UMAD1: variants seen among roughly 807,000 people sequenced by gnomAD.
UMAD1 encodes the protein UBAP1-MVB12-associated (UMA) domain containing 1.
A neutral mutation model predicts 6.1 loss-of-function variants in UMAD1; 8 were observed. The observed-to-expected ratio is 1.30, with a 90% CI of 0.76 to 2.35. The LOEUF is 2.35. Ranked by LOEUF, UMAD1 falls within the 30% of genes most tolerant of loss-of-function variation. UMAD1 has a pLI of 0.00. For synonymous variants in UMAD1, 56 were observed against 31.4 expected, an observed-to-expected ratio of 1.78 and a Z score of -2.61; for missense variants, 130 against 78.4, an observed-to-expected ratio of 1.66 and a Z score of -2.49.
At chr7:7,800,302 GAAC>G (rs1222497372) in intron 2 of UMAD1, among the ~76,000 whole-genome samples, 9 of 152,232 alleles carry the variant, frequency 5.9e-5, no homozygotes, top group African/African-American at 2.2e-4. Flanking sequence ...ACAAAACAGA[GAAC>G]AAAGTAATAG....
rs1248141927 is a variant in UMAD1 at position 7,847,099 on chromosome 7, AAAAAAATATATATATATATATATATATAT to A, written c.157-30180_157-30152del. Among the ~76,000 whole-genome samples, 95 of 44,548 alleles carry A rather than the reference AAAAAAATATATATATATATATATATATAT, an allele frequency of 2.1e-3. 9 individuals are homozygous for A. Among genetic ancestry groups the A allele is most frequent in the Non-Finnish European group, 2.8e-3 (75 of 27,184 alleles). The allele number at this position is 44,548 out of a possible 152,430, so 29.2% of individuals were successfully genotyped here. ...AAAGACAGCAATGCAAAAAAAAAAA[AAAAAAATATATATATATATATATATATAT>A]ATATATATATATATATATATATATA... On this transcript the variant is annotated intron_variant, in intron 3 of 3. Coordinates refer to ENST00000682710, the MANE Select transcript of UMAD1 (RefSeq NM_001302348.2).
intron 2 of UMAD1, among the ~76,000 whole-genome samples, chr7:7,711,734 A>G (rs1780769411): frequency 6.6e-6 from 1 of 151,986 alleles, no homozygotes; most frequent in South Asian, 2.1e-4. Flanking sequence ...CTAGTTACAA[A>G]TTTTGTTGCA....
At chr7:7,641,159 T>G (rs956642492) in intron 1 of UMAD1, 2 of 152,296 alleles carry the variant, frequency 1.3e-5, no homozygotes, top group Non-Finnish European at 2.9e-5. Flanking sequence ...TCACTCTACT[T>G]TCTCCACTTT....
At chr7:7,870,153 CAT>C (rs1453343831) in intron 3 of UMAD1, among the ~76,000 whole-genome samples, 1 of 152,094 alleles carries the variant, frequency 6.6e-6, no homozygotes, top group Non-Finnish European at 1.5e-5. Flanking sequence ...TTTATACAAA[CAT>C]ATGAAAACAG....
intron 1 of UMAD1, among the ~76,000 whole-genome samples, chr7:7,663,695 C>T (rs1033013220): frequency 3.9e-5 from 6 of 152,174 alleles, no homozygotes; most frequent in African/African-American, 1.4e-4. Context: ...CTCAAAGCCT[C>T]ATCACACACT....
At chr7:7,643,100 A>G (rs1485520653) in intron 1 of UMAD1, among the ~76,000 whole-genome samples, 3 of 152,210 alleles carry the variant, frequency 2.0e-5, no homozygotes, top group South Asian at 4.2e-4. Context: ...TGGTTTGGCA[A>G]TTACCGAATT....
At chr7:7,644,844 T>C (rs922701914) in intron 1 of UMAD1, among the ~76,000 whole-genome samples, 1 of 152,216 alleles carries the variant, frequency 6.6e-6, no homozygotes, top group Non-Finnish European at 1.5e-5. Flanking sequence ...CTTATGAATT[T>C]CCAGGAAAAA....
At chr7:7,854,959 G>A (rs1783988629) in intron 3 of UMAD1, among the ~76,000 whole-genome samples, 2 of 152,148 alleles carry the variant, frequency 1.3e-5, no homozygotes, top group African/African-American at 4.8e-5. Context: ...GGGGCTACAG[G>A]CCCCATGCAA....
intron 3 of UMAD1, among the ~76,000 whole-genome samples, chr7:7,818,361 G>T (rs1409468085): frequency 1.3e-5 from 2 of 151,900 alleles, no homozygotes; most frequent in Admixed American, 6.6e-5. Context: ...TGTGTACCAC[G>T]TGAACAGACA....
intron 3 of UMAD1, among the ~76,000 whole-genome samples, chr7:7,822,197 A>T (rs1207507880): frequency 6.6e-6 from 1 of 152,090 alleles, no homozygotes; most frequent in East Asian, 1.9e-4. Flanking sequence ...TGTTTGACAA[A>T]AACTTAAAGG....
intron 2 of UMAD1, among the ~76,000 whole-genome samples, chr7:7,705,281 T>C (rs775263301): frequency 2.6e-5 from 4 of 152,240 alleles, no homozygotes; most frequent in Non-Finnish European, 5.9e-5. Flanking sequence ...ATTAAGATTC[T>C]GTTTTGGAAA....
At chr7:7,871,063 C>T (rs1285066594) in intron 3 of UMAD1, among the ~76,000 whole-genome samples, 2 of 152,184 alleles carry the variant, frequency 1.3e-5, no homozygotes, top group African/African-American at 4.8e-5. Context: ...TTTTCACTGT[C>T]CACGGTGTTT....
intron 2 of UMAD1, chr7:7,676,150 T>C: frequency 2.5e-6 from 1 of 398,658 alleles, no homozygotes; most frequent in Admixed American, 4.4e-5. Flanking sequence ...GTGCTGACCC[T>C]GGGTCAGACC....
At chr7:7,745,370 T>C (rs1484198706) in intron 2 of UMAD1, among the ~76,000 whole-genome samples, 1 of 152,206 alleles carries the variant, frequency 6.6e-6, no homozygotes, top group Non-Finnish European at 1.5e-5. Flanking sequence ...GATTTCTAAT[T>C]ATATCACGAC....
intron 3 of UMAD1, among the ~76,000 whole-genome samples, chr7:7,820,418 A>C (rs1005572000): frequency 1.6e-4 from 25 of 152,210 alleles, no homozygotes; most frequent in Admixed American, 8.5e-4. Context: ...AGTATCAGTC[A>C]GTTCACAATT....
intron 2 of UMAD1, among the ~76,000 whole-genome samples, chr7:7,789,621 C>CCCA (rs1782529668): frequency 1.5e-5 from 2 of 133,086 alleles, no homozygotes; most frequent in Admixed American, 7.3e-5. Context: ...ACCCCTTCTC[C>CCCA]CCTCCCCACA....
At chr7:7,804,463 C>T (rs62432849) in intron 3 of UMAD1, among the ~76,000 whole-genome samples, 9,155 of 152,156 alleles carry the variant, frequency 0.06, 380 homozygotes, top group Non-Finnish European at 0.087. Context: ...GCCTGAGCTC[C>T]GGAGTTCAAG....
At chr7:7,748,924 C>A (rs1781627283) in intron 2 of UMAD1, among the ~76,000 whole-genome samples, 1 of 146,624 alleles carries the variant, frequency 6.8e-6, no homozygotes, top group African/African-American at 2.5e-5. Context: ...ACTCCTAATT[C>A]CCTCTTTTAT....
At chr7:7,694,034 A>G (rs1244583224) in intron 2 of UMAD1, among the ~76,000 whole-genome samples, 1 of 152,110 alleles carries the variant, frequency 6.6e-6, no homozygotes, top group Admixed American at 6.6e-5. Context: ...GTTTTTTTCA[A>G]CTGAGTCATT....
Sources: allele counts gnomAD v4.1 joint callset (sites outside exome capture counted in the v4.1 genomes callset), GRCh38; gene constraint gnomAD v4.1.1; transcripts MANE v1.5; gene names NCBI Gene and HGNC (gene_info 2026-07-23, HGNC 2026-07-21).